Variants in RREB1 observed in about 807,000 individuals in gnomAD.
RREB1 encodes the protein ras responsive element binding protein 1.
A neutral mutation model predicts 117.8 loss-of-function variants in RREB1; 27 were observed. The observed-to-expected ratio is 0.23, with a 90% CI of 0.17 to 0.32. RREB1 has a LOEUF of 0.32. Among genes scored for constraint, RREB1 ranks in the 10% least tolerant of loss-of-function variants. RREB1 has a pLI of 1.00. For synonymous variants in RREB1, 1,298 were observed against 1,026.7 expected (o/e 1.26, Z -5.05); for missense variants, 2,577 against 2,378.2 (o/e 1.08, Z -1.74).
intron 1 of RREB1, among the ~76,000 whole-genome samples, chr6:7,118,801 ATTTTTTTTTTTT>A (rs70978942): frequency 1.3e-3 from 63 of 47,050 alleles, no homozygotes; most frequent in Admixed American, 3.5e-3. Flanking sequence ...GTTTTTTTTA[ATTTTTTTTTTTT>A]TTTTTTTTTT....
intron 6 of RREB1, among the ~76,000 whole-genome samples, chr6:7,201,881 T>G (rs1766005848): frequency 6.6e-6 from 1 of 152,184 alleles, no homozygotes; most frequent in African/African-American, 2.4e-5. Context: ...CTCCAGTTTC[T>G]GTTGGTAGAT....
At chr6:7,228,309 T>C (rs1182256402) in intron 9 of RREB1, among the ~76,000 whole-genome samples, 1 of 152,002 alleles carries the variant, frequency 6.6e-6, no homozygotes, top group Non-Finnish European at 1.5e-5. Flanking sequence ...ACCTCAGTTT[T>C]GCAAGGCACC....
intron 1 of RREB1, among the ~76,000 whole-genome samples, chr6:7,165,386 C>G (rs551733043): frequency 1.3e-5 from 2 of 152,158 alleles, no homozygotes; most frequent in Admixed American, 1.3e-4. Flanking sequence ...CATGAAGGTG[C>G]CTTTGTCACA....
At chr6:7,200,481 C>T (rs549526296) in intron 6 of RREB1, among the ~76,000 whole-genome samples, 4 of 152,014 alleles carry the variant, frequency 2.6e-5, no homozygotes, top group East Asian at 3.9e-4. Context: ...GTTGGCCAGG[C>T]GGGTCTCAAA....
chr6:7,139,393 A>G (rs1762469435), intron 1 of RREB1: 1 of 152,246 alleles, frequency 6.6e-6, no homozygotes, highest in Non-Finnish European at 1.5e-5. Flanking sequence ...TAAAAATATC[A>G]GTAGGTTCTG....
chr6:7,189,116 A>G, intron 5 of RREB1, 43 bp from the exon 6 acceptor site: 1 of 1,560,496 alleles, frequency 6.4e-7, no homozygotes, highest in Non-Finnish European at 8.7e-7. Context: ...TGAGCTTCTG[A>G]TGCACTTTCT....
At position 7,231,378 on chromosome 6, in the gene RREB1, C is replaced by A. The variant is rs139635720; in HGVS notation, c.3279C>A (p.Ser1093Arg). 1 of 1,613,492 alleles carries A rather than the reference C, an allele frequency of 6.2e-7. No individual in the cohort carries two copies. Among genetic ancestry groups the A allele is most frequent in the African/African-American group, 1.3e-5 (1 of 74,902 alleles). Reference sequence around the variant, plus strand: ...AGGTGGCGGACCCAGGGCCCGCAAGCACTGGCAGTAACACCACGGCTTCAG... The same window carrying A: ...AGGTGGCGGACCCAGGGCCCGCAAGAACTGGCAGTAACACCACGGCTTCAG... Reference protein sequence around the residue: ...KTKVADPGPASTGSNTTASDS... With the variant: ...KTKVADPGPARTGSNTTASDS... Residue 1093 changes from serine (S) to arginine (R), a missense_variant, in exon 10 of 13, where the codon AGC (serine) becomes AGA (arginine). Transcript: ENST00000379938.
chr6:7,186,069 A>G (rs1270927083), intron 4 of RREB1, among the ~76,000 whole-genome samples: 2 of 152,248 alleles, frequency 1.3e-5, no homozygotes, highest in Non-Finnish European at 2.9e-5. Context: ...ACTCATTCAA[A>G]TGAATGCAAG....
In RREB1 at chr6:7,224,899, A is replaced by C. The variant is rs560940747; in HGVS notation, c.708-1568A>C. ...GGGTTTGGGGTTCCAAAGGTAGCTGAGCAGTGACAGGAGAGTGCTCAGGAG... is the reference window on the plus strand; with the variant it reads ...GGGTTTGGGGTTCCAAAGGTAGCTGCGCAGTGACAGGAGAGTGCTCAGGAG... On this transcript the variant is annotated intron_variant, in intron 8 of 12. Coordinates refer to ENST00000379938, the MANE Select transcript of RREB1 (RefSeq NM_001003699.4). 6.6e-5 allele frequency among the ~76,000 whole-genome samples: 10 copies of C among 152,220 alleles called. No homozygotes were observed. In the East Asian group the frequency reaches 1.9e-3, roughly 29 times the overall value.
At chr6:7,207,932 G>A (rs1766368349) in intron 6 of RREB1, among the ~76,000 whole-genome samples, 1 of 152,204 alleles carries the variant, frequency 6.6e-6, no homozygotes, top group Admixed American at 6.5e-5. Context: ...AGAACAGCCA[G>A]TGAAAATGGA....
In RREB1 at chr6:7,251,127, T is replaced by A. The variant is rs1339951123; in HGVS notation, c.*2159T>A. 2 of 152,212 alleles carry A rather than the reference T, an allele frequency of 1.3e-5. No individual in the cohort carries two copies. The highest frequency in any genetic ancestry group is 2.9e-5 in the Non-Finnish European group (2 of 68,046). The allele number at this position is 152,212 out of a possible 1,614,324, so 9.4% of individuals were successfully genotyped here. ...TCTACGCTGCGGTGAGATGTAGCAG[T>A]AATCAGCTCCCAGCGACGTGTGTAG... On this transcript the variant is annotated 3_prime_UTR_variant, in exon 13 of 13. Coordinates refer to ENST00000379938, the MANE Select transcript of RREB1 (RefSeq NM_001003699.4).
intron 1 of RREB1, among the ~76,000 whole-genome samples, chr6:7,161,295 C>T (rs1475825787): frequency 6.6e-6 from 1 of 152,156 alleles, no homozygotes; most frequent in African/African-American, 2.4e-5. Context: ...CTCTAGTCAA[C>T]ACTAGGCAAA....
At chr6:7,110,242 C>T (rs899221207) in intron 1 of RREB1, among the ~76,000 whole-genome samples, 31 of 152,030 alleles carry the variant, frequency 2.0e-4, no homozygotes, top group Non-Finnish European at 4.3e-4. Flanking sequence ...TTTTTCACAC[C>T]CATGAAAATC....
chr6:7,227,084 T>C (rs193005111), intron 9 of RREB1, among the ~76,000 whole-genome samples: 28 of 152,106 alleles, frequency 1.8e-4, no homozygotes, highest in Admixed American at 9.8e-4. Flanking sequence ...CTACAAAAAA[T>C]TTAAAAATTA....
intron 7 of RREB1, 31 bp downstream of exon 7, chr6:7,210,979 G>A (rs1766552897): frequency 1.3e-6 from 2 of 1,594,044 alleles, no homozygotes; most frequent in Middle Eastern, 1.7e-4. Context: ...AGATTCACCT[G>A]CTCAGGGGAC....
chr6:7,109,230 G>T (rs934677409), intron 1 of RREB1, among the ~76,000 whole-genome samples: 1 of 151,880 alleles, frequency 6.6e-6, no homozygotes, highest in Non-Finnish European at 1.5e-5. Context: ...CTAGCTGGGT[G>T]GGGGGAGGGG....
chr6:7,230,322 G>A lies in RREB1; in HGVS notation c.2223G>A (p.Ala741=), dbSNP rs375165183. Residue 741 remains alanine, a synonymous_variant, in exon 10 of 13, where the codon GCG becomes GCA. Coordinates refer to ENST00000379938, the MANE Select transcript of RREB1 (RefSeq NM_001003699.4). ...EKNIEYVSSS[A]AELVDAFCAP... ...ACATCGAGTATGTGAGTAGCAGCGC[G>A]GCCGAGCTGGTGGACGCCTTCTGCG... is the stretch of plus-strand genomic sequence containing the variant. 3.1e-6 allele frequency: 5 copies of A among 1,588,676 alleles called. No individual in the cohort carries two copies. The highest frequency in any genetic ancestry group is 1.1e-5 in the South Asian group (1 of 89,746).
Position 7,230,167 on chromosome 6 carries a change from C to T in RREB1, c.2068C>T (p.Leu690=), listed in dbSNP as rs753406371. The T allele has an allele frequency of 1.4e-5, 23 of 1,606,912 alleles. No individual in the cohort carries two copies. In the Admixed American group the frequency reaches 2.2e-4, roughly 15 times the overall value. ...CGACAAGGCCGCGCTCATCCGCCAC[C>T]TGCGCACGCACAGTGGGGAGCGGCC... The part of the protein sequence containing the change: ...AADKAALIRH[L]RTHSGERPYI... The change falls in exon 10 of 13, where the codon CTG becomes TTG. Residue 690 remains leucine, a synonymous_variant. Transcript: ENST00000379938.
chr6:7,144,433 G>A (rs1581445191), intron 1 of RREB1, among the ~76,000 whole-genome samples: 1 of 152,194 alleles, frequency 6.6e-6, no homozygotes, highest in East Asian at 1.9e-4. Context: ...GTATTGAAGA[G>A]TATTTATAAG....
Sources: gnomAD v4.1 joint callset for allele counts (sites outside exome capture counted in the v4.1 genomes callset) on GRCh38, gnomAD v4.1.1 for gene constraint, MANE v1.5 for transcripts, NCBI Gene and HGNC (gene_info 2026-07-23, HGNC 2026-07-21) for gene names.